WWP1: variants seen among roughly 807,000 people sequenced by gnomAD.
The protein encoded by WWP1 is NEDD4-like E3 ubiquitin-protein ligase WWP1.
WWP1 carries 49 observed loss-of-function variants against 130.6 expected under a neutral mutation model. The observed-to-expected ratio is 0.38, with a 90% confidence interval of 0.30 to 0.48. The LOEUF is 0.48. WWP1 is among the 20% of genes least tolerant of loss of function. The probability of loss-of-function intolerance (pLI) is 0.99; values close to 1 mark genes in which losing one functional copy is unlikely to be tolerated. For missense variants in WWP1, 809 were observed against 1,100.6 expected, an observed-to-expected ratio of 0.74 and a Z score of 3.75; for synonymous variants, 332 against 367.8, an observed-to-expected ratio of 0.90 and a Z score of 1.11.
intron 9 of WWP1, among the ~76,000 whole-genome samples, chr8:86,424,961 C>G (rs1199460830): frequency 3.9e-5 from 6 of 151,954 alleles, no homozygotes; most frequent in Non-Finnish European, 5.9e-5. Flanking sequence ...GTGGGGTATT[C>G]TCTTCCTTTT....
At chr8:86,461,353 G>A (rs771452429) in intron 23 of WWP1, 33 bp downstream of exon 23, 15 of 1,563,120 alleles carry the variant, frequency 9.6e-6, no homozygotes, top group South Asian at 3.3e-5. Context: ...TTCTCTGTAC[G>A]TAATTTTGTG....
chr8:86,435,263 G>T (rs1439436838), intron 14 of WWP1, among the ~76,000 whole-genome samples, 189 bp from the exon 15 acceptor site: 1 of 152,118 alleles, frequency 6.6e-6, no homozygotes, highest in Non-Finnish European at 1.5e-5. Flanking sequence ...GTGTATATGT[G>T]TGTCCTGTTG....
At chr8:86,388,087 T>G (rs986766595) in intron 5 of WWP1, among the ~76,000 whole-genome samples, 1 of 152,210 alleles carries the variant, frequency 6.6e-6, no homozygotes, top group Non-Finnish European at 1.5e-5. Flanking sequence ...ACATGGCCGC[T>G]GGCTACTGTA....
intron 5 of WWP1, among the ~76,000 whole-genome samples, chr8:86,389,634 A>G (rs1331157540): frequency 1.3e-5 from 2 of 152,052 alleles, no homozygotes; most frequent in Non-Finnish European, 1.5e-5. Context: ...CAAAACCCCC[A>G]TCATCATCAT....
chr8:86,376,317 C>T (rs1824646568), intron 3 of WWP1, among the ~76,000 whole-genome samples: 1 of 152,128 alleles, frequency 6.6e-6, no homozygotes, highest in African/African-American at 2.4e-5. Context: ...GCCTGTAATC[C>T]CAGCACTTTG....
At chr8:86,351,505 GT>G (rs74366305) in intron 1 of WWP1, among the ~76,000 whole-genome samples, 371 of 141,294 alleles carry the variant, frequency 2.6e-3, no homozygotes, top group African/African-American at 5.4e-3. Context: ...TGCTCAGCTA[GT>G]TTTTTTTTTT....
intron 1 of WWP1, among the ~76,000 whole-genome samples, chr8:86,344,696 A>G (rs1008339803): frequency 2.6e-5 from 4 of 152,208 alleles, no homozygotes; most frequent in African/African-American, 9.6e-5. Flanking sequence ...GGCTTCTGAA[A>G]TCGTGGTTTT....
At chr8:86,419,001 A>G (rs1030869031) in intron 9 of WWP1, among the ~76,000 whole-genome samples, 1 of 152,164 alleles carries the variant, frequency 6.6e-6, no homozygotes, top group African/African-American at 2.4e-5. Flanking sequence ...ACAATCCACA[A>G]GCCCCACCCA....
intron 3 of WWP1, 130 bp downstream of exon 3, chr8:86,374,250 C>A: frequency 1.5e-6 from 1 of 674,500 alleles, no homozygotes; most frequent in South Asian, 2.3e-5. Flanking sequence ...TTGCAACAAG[C>A]CTCAAAGGTA....
intron 1 of WWP1, among the ~76,000 whole-genome samples, chr8:86,362,262 G>T (rs1823712145): frequency 1.6e-5 from 2 of 127,940 alleles, no homozygotes; most frequent in Non-Finnish European, 1.6e-5. Context: ...TTTGATTATT[G>T]ATCACCTTTT....
chr8:86,405,678 T>C (rs548795870), intron 8 of WWP1, among the ~76,000 whole-genome samples: 2 of 152,226 alleles, frequency 1.3e-5, no homozygotes, highest in Admixed American at 6.5e-5. Context: ...ACTATAGGCA[T>C]GTGCCACCAT....
intron 7 of WWP1, among the ~76,000 whole-genome samples, chr8:86,399,451 T>TA (rs1378700683): frequency 6.6e-6 from 1 of 152,170 alleles, no homozygotes; most frequent in African/African-American, 2.4e-5. Flanking sequence ...CCTGAAAATA[T>TA]AAAAATATAT....
chr8:86,435,382 G>C lies in WWP1; in HGVS notation c.1602-70G>C. Reference sequence around the variant, plus strand: ...ATTTTGTTGGACTTTAGTACACTCTGATTTTATACTGAATACTAAATATTC... The same window carrying C: ...ATTTTGTTGGACTTTAGTACACTCTCATTTTATACTGAATACTAAATATTC... On this transcript the variant is annotated intron_variant, in intron 14 of 24. Coordinates refer to ENST00000517970, the MANE Select transcript of WWP1 (RefSeq NM_007013.4). The C allele has an allele frequency of 6.0e-6, 9 of 1,510,564 alleles. No homozygotes were observed. The South Asian group carries it at 8.1e-5, about 14-fold the overall frequency. The allele number at this position is 1,510,564 out of a possible 1,614,324, so 93.6% of individuals were successfully genotyped here.
intron 2 of WWP1, among the ~76,000 whole-genome samples, chr8:86,369,735 C>A (rs1309961937): frequency 1.3e-5 from 2 of 152,106 alleles, no homozygotes; most frequent in Non-Finnish European, 2.9e-5. Flanking sequence ...ATCCTTAAAT[C>A]CCTCATTTAC....
chr8:86,374,731 A>G (rs1451808975), intron 3 of WWP1, among the ~76,000 whole-genome samples: 2 of 151,830 alleles, frequency 1.3e-5, no homozygotes, highest in Non-Finnish European at 2.9e-5. Flanking sequence ...TTCTTTTGAG[A>G]TAGGGTCTCA....
At chr8:86,372,274 G>A (rs976387269) in intron 2 of WWP1, among the ~76,000 whole-genome samples, 21 of 151,600 alleles carry the variant, frequency 1.4e-4, no homozygotes, top group Non-Finnish European at 2.2e-4. Context: ...CGCCCGTCTC[G>A]GCCTCCCAAA....
At chr8:86,374,143 A>G (rs1487314931) in intron 3 of WWP1, 23 bp downstream of exon 3, 3 of 1,571,232 alleles carry the variant, frequency 1.9e-6, no homozygotes, top group Non-Finnish European at 2.6e-6. Flanking sequence ...TATATTTAAT[A>G]TGGTGATTCC....
chr8:86,388,822 T>C (rs1825438420), intron 5 of WWP1, among the ~76,000 whole-genome samples: 1 of 152,184 alleles, frequency 6.6e-6, no homozygotes, highest in African/African-American at 2.4e-5. Context: ...ACATAAGCAT[T>C]TATTATTTTG....
intron 9 of WWP1, among the ~76,000 whole-genome samples, chr8:86,414,475 T>C (rs1317409386): frequency 6.6e-6 from 1 of 152,032 alleles, no homozygotes; most frequent in Non-Finnish European, 1.5e-5. Flanking sequence ...AGAAAAAGAG[T>C]GGAACCAAGG....
Sources: allele counts gnomAD v4.1 joint callset (sites outside exome capture counted in the v4.1 genomes callset), GRCh38; gene constraint gnomAD v4.1.1; transcripts MANE v1.5; gene names NCBI Gene and HGNC (gene_info 2026-07-23, HGNC 2026-07-21).